Variants in DAP observed in about 807,000 individuals in gnomAD.
DAP encodes the protein death associated protein, also known as death-associated protein 1.
In DAP, 8 loss-of-function variants were observed where a neutral mutation model predicts 13.8. That is an observed-to-expected ratio of 0.58 (90% CI 0.34 to 1.05). The LOEUF (loss-of-function observed/expected upper bound fraction) is 1.05, where lower values mean the gene tolerates loss of function less well. DAP is among the 50% of genes least tolerant of loss of function. DAP has a pLI of 0.03. For synonymous variants in DAP, 47 were observed against 47.5 expected (o/e 0.99, Z 0.04); for missense variants, 106 against 133.2 (o/e 0.80, Z 1.01).
At chr5:10,759,744 C>CTTTTTTTTTTTTTTTTTTTT (rs1169454640) in intron 1 of DAP, among the ~76,000 whole-genome samples, 1 of 88,202 alleles carries the variant, frequency 1.1e-5, no homozygotes, top group Non-Finnish European at 2.0e-5. Context: ...TAATGGGAAT[C>CTTTTTTTTTTTTTTTTTTTT]TTTTTTTTTT....
chr5:10,715,531 T>C (rs879700631), intron 2 of DAP, among the ~76,000 whole-genome samples: 5 of 152,192 alleles, frequency 3.3e-5, no homozygotes, highest in Admixed American at 2.0e-4. Flanking sequence ...TGGCAATGTC[T>C]TGTGGGTCAA....
chr5:10,760,514 G>A (rs1185583314), intron 1 of DAP, among the ~76,000 whole-genome samples: 1 of 152,226 alleles, frequency 6.6e-6, no homozygotes, highest in East Asian at 1.9e-4. Context: ...GAAACTGGCG[G>A]TGAAAGTCAT....
At chr5:10,696,446 C>T (rs191208707) in intron 2 of DAP, among the ~76,000 whole-genome samples, 197 of 152,270 alleles carry the variant, frequency 1.3e-3, no homozygotes, top group African/African-American at 4.3e-3. Flanking sequence ...TGTCATGGCA[C>T]GTTTGAGGGC....
At chr5:10,693,298 A>G (rs1738353218) in intron 2 of DAP, among the ~76,000 whole-genome samples, 1 of 152,176 alleles carries the variant, frequency 6.6e-6, no homozygotes, top group Non-Finnish European at 1.5e-5. Context: ...ATGGAAGTCT[A>G]CTCAAGTTAT....
At chr5:10,732,029 C>A (rs892331912) in intron 2 of DAP, among the ~76,000 whole-genome samples, 1 of 152,196 alleles carries the variant, frequency 6.6e-6, no homozygotes, top group Non-Finnish European at 1.5e-5. Context: ...CTCTCCCCAA[C>A]CCTGAAGAGT....
chr5:10,733,913 A>T (rs952672279), intron 2 of DAP: 1 of 152,240 alleles, frequency 6.6e-6, no homozygotes, highest in Admixed American at 6.5e-5. Flanking sequence ...AAAAGTACTT[A>T]AAAACTTCAG....
intron 2 of DAP, among the ~76,000 whole-genome samples, chr5:10,691,818 C>CT (rs1331914384): frequency 1.1e-4 from 17 of 152,188 alleles, no homozygotes; most frequent in Admixed American, 1.0e-3. Flanking sequence ...GAAACTGCAG[C>CT]TTTTTCACAC....
chr5:10,751,120 G>C (rs1485598446), intron 1 of DAP, among the ~76,000 whole-genome samples: 1 of 152,134 alleles, frequency 6.6e-6, no homozygotes, highest in Non-Finnish European at 1.5e-5. Flanking sequence ...CCAGGGGTGT[G>C]GCCTCTGAGC....
chr5:10,694,821 C>T (rs577048993), intron 2 of DAP, among the ~76,000 whole-genome samples: 5 of 152,212 alleles, frequency 3.3e-5, no homozygotes, highest in South Asian at 4.1e-4. Flanking sequence ...GCTCATTGAC[C>T]GGGAAAAGCA....
Position 10,680,725 on chromosome 5 carries a change from G to C in DAP, c.*331C>G, listed in dbSNP as rs1737963243. 2.6e-6 allele frequency: 4 copies of C among 1,535,202 alleles called. No individual in the cohort carries two copies. In the South Asian group the frequency reaches 4.8e-5, roughly 18 times the overall value. On this transcript the variant is annotated 3_prime_UTR_variant, in exon 4 of 4. Coordinates refer to ENST00000230895, the MANE Select transcript of DAP (RefSeq NM_004394.3). ...CATCTTCTCAAATGTGTGCCTTCTTGTTTTTAAGACCATAGACAAGGACGT... is the reference window on the plus strand; with the variant it reads ...CATCTTCTCAAATGTGTGCCTTCTTCTTTTTAAGACCATAGACAAGGACGT...
chr5:10,715,359 C>G (rs973107440), intron 2 of DAP, among the ~76,000 whole-genome samples: 1 of 152,172 alleles, frequency 6.6e-6, no homozygotes, highest in African/African-American at 2.4e-5. Context: ...TCCAACCCAT[C>G]AGGCTGATGC....
intron 2 of DAP, among the ~76,000 whole-genome samples, chr5:10,691,217 C>T (rs776653719): frequency 6.6e-6 from 1 of 152,224 alleles, no homozygotes; most frequent in Non-Finnish European, 1.5e-5. Flanking sequence ...AAAAGGCAGG[C>T]CTCTTCCAAA....
intron 2 of DAP, among the ~76,000 whole-genome samples, chr5:10,691,533 C>A (rs897847315): frequency 6.6e-6 from 1 of 152,218 alleles, no homozygotes; most frequent in Non-Finnish European, 1.5e-5. Context: ...GGCTTCCATG[C>A]AAAGTATAAC....
chr5:10,710,089 T>G (rs900997847), intron 2 of DAP, among the ~76,000 whole-genome samples: 1 of 152,122 alleles, frequency 6.6e-6, no homozygotes, highest in African/African-American at 2.4e-5. Flanking sequence ...TTCCGTCACC[T>G]CCACCTTCAG....
chr5:10,691,035 C>T (rs746840800), intron 2 of DAP, among the ~76,000 whole-genome samples: 3 of 152,178 alleles, frequency 2.0e-5, no homozygotes, highest in Non-Finnish European at 4.4e-5. Context: ...TTAGATTTAG[C>T]AACTAATTTT....
At chr5:10,719,220 C>T (rs1375588522) in intron 2 of DAP, among the ~76,000 whole-genome samples, 1 of 152,222 alleles carries the variant, frequency 6.6e-6, no homozygotes, top group Non-Finnish European at 1.5e-5. Flanking sequence ...CAACACATTC[C>T]TCATTTTGAT....
intron 1 of DAP, among the ~76,000 whole-genome samples, chr5:10,749,743 C>CTTTT (rs34643253): frequency 1.1e-4 from 13 of 118,624 alleles, no homozygotes; most frequent in Non-Finnish European, 1.4e-4. Context: ...GACCACACAA[C>CTTTT]TTTTTTTTTT....
At chr5:10,706,545 G>C (rs1332726977) in intron 2 of DAP, among the ~76,000 whole-genome samples, 1 of 152,190 alleles carries the variant, frequency 6.6e-6, no homozygotes, top group Non-Finnish European at 1.5e-5. Context: ...GCACAATCTT[G>C]AGAATTTATT....
intron 3 of DAP, 100 bp downstream of exon 3, chr5:10,683,429 G>T: frequency 8.9e-7 from 1 of 1,124,674 alleles, no homozygotes; most frequent in Non-Finnish European, 1.4e-6. Flanking sequence ...CAGTGGTGCT[G>T]GGTTATTCCA....
Sources: allele counts gnomAD v4.1 joint callset (sites outside exome capture counted in the v4.1 genomes callset), GRCh38; gene constraint gnomAD v4.1.1; transcripts MANE v1.5; gene names NCBI Gene and HGNC (gene_info 2026-07-23, HGNC 2026-07-21).